The following SLC25A48 variants were observed in gnomAD, a reference collection of about 807,000 sequenced individuals.
The protein encoded by SLC25A48 is CTC-321K16.1.
SLC25A48 carries 29 observed loss-of-function variants against 32.2 expected under a neutral mutation model. The ratio of observed to expected loss-of-function variants is 0.90; its 90% CI spans 0.67 to 1.23. The LOEUF (loss-of-function observed/expected upper bound fraction) is 1.23. SLC25A48 is among the 50% of genes most tolerant of loss of function. The pLI is 0.00. For synonymous variants in SLC25A48, 164 were observed against 172.3 expected, an observed-to-expected ratio of 0.95 and a Z score of 0.38; for missense variants, 399 against 422.7, an observed-to-expected ratio of 0.94 and a Z score of 0.49.
chr5:135,654,692 G>A (rs1359153311), intron 3 of SLC25A48, among the ~76,000 whole-genome samples: 1 of 152,194 alleles, frequency 6.6e-6, no homozygotes, highest in Admixed American at 6.5e-5. Context: ...ATTAACATCT[G>A]CAGTCAGTTG....
At chr5:135,819,139 G>A (rs1468883357) in intron 4 of SLC25A48, among the ~76,000 whole-genome samples, 4 of 151,266 alleles carry the variant, frequency 2.6e-5, no homozygotes, top group Non-Finnish European at 5.9e-5. Flanking sequence ...CCCAGAAGGC[G>A]AGAAGAAATA....
chr5:135,885,988 T>G (rs1011627821), intron 7 of SLC25A48, among the ~76,000 whole-genome samples: 1 of 152,134 alleles, frequency 6.6e-6, no homozygotes, highest in Non-Finnish European at 1.5e-5. Context: ...GAAAAACCCT[T>G]GAAGGATACA....
At chr5:135,729,383 A>G (rs1361434008) in intron 3 of SLC25A48, among the ~76,000 whole-genome samples, 1 of 151,600 alleles carries the variant, frequency 6.6e-6, no homozygotes, top group Non-Finnish European at 1.5e-5. Flanking sequence ...CTGGGAATTT[A>G]AATAATTTGC....
At chr5:135,733,822 A>G (rs2126994140) in intron 3 of SLC25A48, among the ~76,000 whole-genome samples, 1 of 152,058 alleles carries the variant, frequency 6.6e-6, no homozygotes, top group East Asian at 1.9e-4. Flanking sequence ...GGGAGTGGGG[A>G]AAGGATTTAG....
intron 3 of SLC25A48, among the ~76,000 whole-genome samples, chr5:135,668,369 ATAG>A (rs758192305): frequency 1.3e-4 from 20 of 152,344 alleles, no homozygotes; most frequent in South Asian, 6.2e-4. Flanking sequence ...TGAAGTTGAA[ATAG>A]TAGTGACAAC....
At chr5:135,670,300 G>A (rs988885165) in intron 3 of SLC25A48, among the ~76,000 whole-genome samples, 1 of 152,308 alleles carries the variant, frequency 6.6e-6, no homozygotes, top group Non-Finnish European at 1.5e-5. Context: ...CCAGCATAGA[G>A]CTAGGGGGCT....
At chr5:135,822,747 T>C (rs532522899) in intron 4 of SLC25A48, among the ~76,000 whole-genome samples, 1 of 152,298 alleles carries the variant, frequency 6.6e-6, no homozygotes, top group South Asian at 2.1e-4. Flanking sequence ...CAACAACATA[T>C]AATTCACAGC....
At chr5:135,764,958 G>A (rs113493316) in intron 3 of SLC25A48, among the ~76,000 whole-genome samples, 3 of 151,774 alleles carry the variant, frequency 2.0e-5, no homozygotes, top group Non-Finnish European at 4.4e-5. Context: ...ATCACGGGAC[G>A]TGTACATCTC....
intron 3 of SLC25A48, among the ~76,000 whole-genome samples, chr5:135,802,389 G>A (rs189361591): frequency 6.7e-6 from 1 of 150,244 alleles, no homozygotes; most frequent in East Asian, 1.9e-4. Context: ...TATTAACACT[G>A]TGAATGTACA....
intron 3 of SLC25A48, among the ~76,000 whole-genome samples, chr5:135,642,000 A>C (rs73283236): frequency 0.013 from 1,945 of 152,356 alleles, 47 homozygotes; most frequent in African/African-American, 0.043. Flanking sequence ...TGAAGGCAGA[A>C]CATAGCTTGT....
At chr5:135,682,062 C>T (rs1432092858) in intron 3 of SLC25A48, among the ~76,000 whole-genome samples, 2 of 152,218 alleles carry the variant, frequency 1.3e-5, no homozygotes, top group South Asian at 2.1e-4. Flanking sequence ...ATTCTCTCCT[C>T]TCTGGTACTC....
At chr5:135,641,771 C>T (rs999710942) in intron 3 of SLC25A48, among the ~76,000 whole-genome samples, 1 of 152,198 alleles carries the variant, frequency 6.6e-6, no homozygotes, top group African/African-American at 2.4e-5. Context: ...AGTCCATGTG[C>T]AGTATCTGTC....
chr5:135,753,630 A>G (rs1359006546), intron 3 of SLC25A48, among the ~76,000 whole-genome samples: 3 of 151,796 alleles, frequency 2.0e-5, no homozygotes, highest in Non-Finnish European at 4.4e-5. Flanking sequence ...CAGGGTGCAC[A>G]CCCACAGTGA....
At chr5:135,650,394 G>T (rs890231303) in intron 3 of SLC25A48, 2 of 455,944 alleles carry the variant, frequency 4.4e-6, no homozygotes, top group African/African-American at 2.0e-5. Flanking sequence ...TGGCAACATT[G>T]ATTGAGGATG....
chr5:135,807,332 G>C (rs993923714), intron 3 of SLC25A48, among the ~76,000 whole-genome samples: 3 of 108,204 alleles, frequency 2.8e-5, no homozygotes, highest in African/African-American at 8.0e-5. Flanking sequence ...GTTATCACTA[G>C]ATATAAATAT....
At chr5:135,754,623 A>G (rs934318529) in intron 3 of SLC25A48, among the ~76,000 whole-genome samples, 5 of 151,936 alleles carry the variant, frequency 3.3e-5, no homozygotes, top group African/African-American at 1.2e-4. Context: ...TGTGATTTCA[A>G]TGAAATATCA....
chr5:135,589,831 A>G (rs1751467873), intron 1 of SLC25A48, among the ~76,000 whole-genome samples: 1 of 152,114 alleles, frequency 6.6e-6, no homozygotes, highest in East Asian at 1.9e-4. Context: ...AGTAGCTGGG[A>G]CTATAGGTGC....
chr5:135,807,131 T>C (rs1322775928), intron 3 of SLC25A48, among the ~76,000 whole-genome samples: 1 of 150,760 alleles, frequency 6.6e-6, no homozygotes, highest in African/African-American at 2.4e-5. Context: ...ATATCAAAGA[T>C]ATCTTATGAA....
chr5:135,780,872 G>A (rs1244732416), intron 3 of SLC25A48, among the ~76,000 whole-genome samples: 1 of 115,946 alleles, frequency 8.6e-6, no homozygotes, highest in African/African-American at 2.6e-5. Context: ...ATCCAAGGTG[G>A]GGAGAGGATA....
Sources: gnomAD v4.1 joint callset for allele counts (sites outside exome capture counted in the v4.1 genomes callset) on GRCh38, gnomAD v4.1.1 for gene constraint, MANE v1.5 for transcripts, NCBI Gene and HGNC (gene_info 2026-07-23, HGNC 2026-07-21) for gene names.